The following MAP2K5 variants were observed in gnomAD, a reference collection of about 807,000 sequenced individuals.
The protein encoded by MAP2K5 is dual specificity mitogen-activated protein kinase kinase 5.
Under a neutral mutation model 83.1 loss-of-function variants are expected in MAP2K5, and 49 were observed. That is an observed-to-expected ratio of 0.59 (90% confidence interval 0.47 to 0.75). The LOEUF is 0.75. Ranked by LOEUF, MAP2K5 falls within the 30% of genes least tolerant of loss-of-function variation. The probability of loss-of-function intolerance (pLI) is 0.00; values close to 1 mark genes in which losing one functional copy is unlikely to be tolerated. For synonymous variants in MAP2K5, 202 were observed against 191.8 expected (o/e 1.05, Z -0.44); for missense variants, 457 against 557.5 (o/e 0.82, Z 1.82).
intron 8 of MAP2K5, among the ~76,000 whole-genome samples, chr15:67,621,916 G>A (rs563324074): frequency 6.6e-6 from 1 of 152,276 alleles, no homozygotes; most frequent in Non-Finnish European, 1.5e-5. Flanking sequence ...GGGTGCGGTG[G>A]CTTACGCCTG....
At chr15:67,685,852 A>G (rs1221284641) in intron 13 of MAP2K5, among the ~76,000 whole-genome samples, 2 of 152,242 alleles carry the variant, frequency 1.3e-5, no homozygotes, top group African/African-American at 2.4e-5. Context: ...TACAAACACA[A>G]TGGAATTGGA....
intron 9 of MAP2K5, among the ~76,000 whole-genome samples, chr15:67,641,044 C>G (rs2086700095): frequency 6.6e-6 from 1 of 152,114 alleles, no homozygotes. Flanking sequence ...GAGCAGAAAA[C>G]AAATAAAAAT....
rs1596962588 is a variant in MAP2K5 at position 67,780,799 on chromosome 15, A to G, written c.1242+8047A>G. ...TAACAACCAGTATAGCATGAGGATT[A>G]CCGTTCAGAACCAACACCAGGGTTT... On this transcript the variant is annotated intron_variant, in intron 21 of 21. Coordinates refer to ENST00000178640, the MANE Select transcript of MAP2K5 (RefSeq NM_145160.3). This position sits in a 1 kb window ranked among gnomAD's most constrained non-coding sequence, Gnocchi z 5.0. Among the ~76,000 whole-genome samples, 2 of 152,348 alleles carry G rather than the reference A, an allele frequency of 1.3e-5. No homozygotes were observed. The highest frequency in any genetic ancestry group is 3.8e-4 in the East Asian group (2 of 5,196).
Position 67,665,685 on chromosome 15 carries a change from T to C in MAP2K5, c.847+1040T>C, listed in dbSNP as rs912710753. On this transcript the variant is annotated intron_variant, in intron 13 of 21. Coordinates refer to ENST00000178640, the MANE Select transcript of MAP2K5 (RefSeq NM_145160.3). The surrounding 1 kb of genome is among the most constrained non-coding windows in gnomAD (Gnocchi z 4.2). ...TTGACAAATCAAATAGTCAGGTTTT[T>C]GAAGGTATTTAACTGACTAAATGGA... is the stretch of plus-strand genomic sequence containing the variant. Among the ~76,000 whole-genome samples, 1 of 152,190 alleles carries C rather than the reference T, an allele frequency of 6.6e-6. No individual in the cohort carries two copies. Among genetic ancestry groups the C allele is most frequent in the African/African-American group, 2.4e-5 (1 of 41,446 alleles).
intron 17 of MAP2K5, 97 bp downstream of exon 17, chr15:67,728,042 A>C (rs187590404): frequency 1.0e-6 from 1 of 1,001,328 alleles, no homozygotes; most frequent in Admixed American, 1.8e-5. Flanking sequence ...ACATACAAAT[A>C]AATCTGTCCT....
chr15:67,542,764 G>C lies in MAP2K5; in HGVS notation c.-572G>C, dbSNP rs1302682398. 6.4e-6 allele frequency: 1 copy of C among 156,040 alleles called. No individual in the cohort carries two copies. The highest frequency in any genetic ancestry group is 2.4e-5 in the African/African-American group (1 of 41,398). The allele number at this position is 156,040 out of a possible 1,614,324, so 9.7% of individuals were successfully genotyped here. A position where few individuals can be genotyped will look rare whatever the true frequency, so the allele number is the denominator to read the frequency against. On this transcript the variant is annotated 5_prime_UTR_variant, in exon 1 of 22. Transcript: ENST00000178640. ...CCGCCGCCGCAGCCGCCGCCAGTCC[G>C]CGCGGCCTCGGGTGGCCGGAGCTCA...
chr15:67,567,066 AT>A (rs1434742321), intron 3 of MAP2K5, among the ~76,000 whole-genome samples: 1 of 152,224 alleles, frequency 6.6e-6, no homozygotes, highest in African/African-American at 2.4e-5. Context: ...CATTAGAGAT[AT>A]TTTTAAGAGA....
chr15:67,796,462 AAT>A (rs1209027137), intron 21 of MAP2K5, among the ~76,000 whole-genome samples: 1 of 152,156 alleles, frequency 6.6e-6, no homozygotes, highest in African/African-American at 2.4e-5. Context: ...ACATGGCAAA[AAT>A]ATAGGCAAGA....
At chr15:67,631,854 A>G (rs1195770191) in intron 9 of MAP2K5, among the ~76,000 whole-genome samples, 1 of 152,052 alleles carries the variant, frequency 6.6e-6, no homozygotes, top group Admixed American at 6.5e-5. Context: ...TCCTAACCCC[A>G]CAGAACCCCA....
At chr15:67,673,516 T>A (rs1256813981) in intron 13 of MAP2K5, among the ~76,000 whole-genome samples, 1 of 152,192 alleles carries the variant, frequency 6.6e-6, no homozygotes, top group Non-Finnish European at 1.5e-5. Flanking sequence ...AACGTTTGAA[T>A]TCCTTAGGAA....
At chr15:67,737,353 T>A (rs986150616) in intron 17 of MAP2K5, among the ~76,000 whole-genome samples, 2 of 152,146 alleles carry the variant, frequency 1.3e-5, no homozygotes, top group Admixed American at 1.3e-4. Context: ...CTTGGGTAGA[T>A]TTGGGGATAG....
intron 8 of MAP2K5, among the ~76,000 whole-genome samples, chr15:67,613,957 T>A (rs963700022): frequency 4.6e-5 from 7 of 152,062 alleles, no homozygotes; most frequent in Non-Finnish European, 8.8e-5. Context: ...CCTGAAAAAG[T>A]TAATGCAACT....
At chr15:67,567,433 C>T (rs946884091) in intron 3 of MAP2K5, among the ~76,000 whole-genome samples, 11 of 150,226 alleles carry the variant, frequency 7.3e-5, no homozygotes, top group Non-Finnish European at 1.3e-4. Context: ...GGCGCAATCT[C>T]GGCTCACTGC....
chr15:67,610,684 A>G (rs2085899181), intron 8 of MAP2K5, among the ~76,000 whole-genome samples: 1 of 152,042 alleles, frequency 6.6e-6, no homozygotes, highest in Admixed American at 6.6e-5. Flanking sequence ...GTCTTACTAG[A>G]GTGAAATATG....
At chr15:67,593,436 A>G (rs1426659691) in intron 7 of MAP2K5, among the ~76,000 whole-genome samples, 1 of 152,180 alleles carries the variant, frequency 6.6e-6, no homozygotes, top group Non-Finnish European at 1.5e-5. Context: ...AGGAGACCTT[A>G]GTTTGCCTAG....
chr15:67,551,232 AC>A (rs574933816), intron 2 of MAP2K5, among the ~76,000 whole-genome samples: 68 of 152,278 alleles, frequency 4.5e-4, no homozygotes, highest in African/African-American at 1.6e-3. Context: ...AATGTGCAAA[AC>A]CTTTGACTTA....
chr15:67,774,758 G>A lies in MAP2K5; in HGVS notation c.1242+2006G>A, dbSNP rs1419500443. Among the ~76,000 whole-genome samples, 2 of 152,188 alleles carry A rather than the reference G, an allele frequency of 1.3e-5. No homozygotes were observed. The highest frequency in any genetic ancestry group is 4.8e-5 in the African/African-American group (2 of 41,438). On this transcript the variant is annotated intron_variant, in intron 21 of 21. Coordinates refer to ENST00000178640, the MANE Select transcript of MAP2K5 (RefSeq NM_145160.3). The surrounding 1 kb of genome is among the most constrained non-coding windows in gnomAD (Gnocchi z 4.9). ...ACTATAGAGCCCATTTGTCACCTGG[G>A]TGGGGGCCTGTGCCTTTCACAAAAA...
At chr15:67,672,304 C>T (rs1023316546) in intron 13 of MAP2K5, among the ~76,000 whole-genome samples, 103 of 152,048 alleles carry the variant, frequency 6.8e-4, no homozygotes, top group African/African-American at 2.5e-3. Context: ...TCCTATTTCT[C>T]TACATCCTCT....
chr15:67,557,397 T>C (rs2084650319), intron 2 of MAP2K5, among the ~76,000 whole-genome samples: 1 of 152,242 alleles, frequency 6.6e-6, no homozygotes, highest in Non-Finnish European at 1.5e-5. Flanking sequence ...TATTCTAATC[T>C]GTAGCTCTCA....
Sources: allele counts gnomAD v4.1 joint callset (sites outside exome capture counted in the v4.1 genomes callset), GRCh38; gene constraint gnomAD v4.1.1; non-coding constraint Gnocchi (gnomAD v3.1); transcripts MANE v1.5; gene names NCBI Gene and HGNC (gene_info 2026-07-23, HGNC 2026-07-21).